CNTNAP2: variants seen among roughly 807,000 people sequenced by gnomAD.
The protein encoded by CNTNAP2 is contactin associated protein 2.
Under a neutral mutation model 155.2 loss-of-function variants are expected in CNTNAP2, and 98 were observed. That is an observed-to-expected ratio of 0.63 (90% CI 0.54 to 0.75). The LOEUF (loss-of-function observed/expected upper bound fraction) is 0.75, where lower values mean the gene tolerates loss of function less well. CNTNAP2 is among the 30% of genes least tolerant of loss of function. The pLI, the probability that CNTNAP2 is intolerant of heterozygous loss-of-function variation, is 0.00. For synonymous variants in CNTNAP2, 651 were observed against 631.2 expected, an observed-to-expected ratio of 1.03 and a Z score of -0.47; for missense variants, 1,727 against 1,688.1, an observed-to-expected ratio of 1.02 and a Z score of -0.40.
chr7:147,295,885 A>T (rs1175097212), intron 8 of CNTNAP2, among the ~76,000 whole-genome samples: 1 of 152,188 alleles, frequency 6.6e-6, no homozygotes, highest in African/African-American at 2.4e-5. Context: ...AGTGGCTGCT[A>T]TCAGCAAGGA....
At chr7:147,903,455 T>G (rs1182853956) in intron 13 of CNTNAP2, 110 bp from the exon 14 acceptor site, 5 of 1,186,404 alleles carry the variant, frequency 4.2e-6, no homozygotes, top group Admixed American at 3.7e-5. Flanking sequence ...TTAAGAGGGT[T>G]GAGTGATGTT....
chr7:146,742,385 G>A (rs1243037351), intron 1 of CNTNAP2, among the ~76,000 whole-genome samples: 1 of 152,032 alleles, frequency 6.6e-6, no homozygotes, highest in African/African-American at 2.4e-5. Context: ...GGAAGAATAG[G>A]CAAGATTAAT....
At chr7:148,083,130 T>C (rs1803648368) in intron 15 of CNTNAP2, among the ~76,000 whole-genome samples, 1 of 152,204 alleles carries the variant, frequency 6.6e-6, no homozygotes, top group South Asian at 2.1e-4. Flanking sequence ...GAAGAGGATC[T>C]GCACCCTAAG....
chr7:146,419,093 T>G (rs994650325), intron 1 of CNTNAP2, among the ~76,000 whole-genome samples: 7 of 152,050 alleles, frequency 4.6e-5, no homozygotes, highest in African/African-American at 1.7e-4. Flanking sequence ...GATTTTTTTA[T>G]AAAGAAAAAG....
chr7:146,280,902 A>G (rs762272099), intron 1 of CNTNAP2, among the ~76,000 whole-genome samples: 2 of 152,192 alleles, frequency 1.3e-5, no homozygotes, highest in Non-Finnish European at 2.9e-5. Context: ...TCTGAGCCAA[A>G]GAGACACCAT....
intron 13 of CNTNAP2, among the ~76,000 whole-genome samples, chr7:147,895,946 G>A (rs188626213): frequency 6.6e-6 from 1 of 152,318 alleles, no homozygotes; most frequent in East Asian, 1.9e-4. Flanking sequence ...TTCTTTTGCA[G>A]TAGATGTGGA....
chr7:146,352,251 A>C (rs1794925847), intron 1 of CNTNAP2, among the ~76,000 whole-genome samples: 1 of 152,174 alleles, frequency 6.6e-6, no homozygotes. Context: ...TTTTGTATAA[A>C]TATAGCTGGA....
chr7:146,337,284 A>G (rs926710427), intron 1 of CNTNAP2, among the ~76,000 whole-genome samples: 5 of 150,664 alleles, frequency 3.3e-5, no homozygotes, highest in African/African-American at 1.2e-4. Context: ...ATGATTTTAC[A>G]TGAGGTTGTT....
At chr7:147,949,460 T>TATATATATATATATATATA (rs60849459) in intron 14 of CNTNAP2, among the ~76,000 whole-genome samples, 90 of 92,070 alleles carry the variant, frequency 9.8e-4, no homozygotes, top group South Asian at 3.4e-3. Flanking sequence ...ATATATATAT[T>TATATATATATATATATATA]TTTTTTTTTT....
chr7:146,739,659 T>C (rs1161522906), intron 1 of CNTNAP2, among the ~76,000 whole-genome samples: 1 of 152,066 alleles, frequency 6.6e-6, no homozygotes, highest in African/African-American at 2.4e-5. Context: ...GTCTGTTACA[T>C]ACATTTGATC....
At chr7:146,536,799 G>A (rs762084521) in intron 1 of CNTNAP2, among the ~76,000 whole-genome samples, 33 of 151,972 alleles carry the variant, frequency 2.2e-4, no homozygotes, top group East Asian at 1.9e-4. Context: ...TTGTGAAAAC[G>A]TACCACAGAT....
At chr7:147,749,621 A>C (rs1236076118) in intron 13 of CNTNAP2, among the ~76,000 whole-genome samples, 1 of 151,956 alleles carries the variant, frequency 6.6e-6, no homozygotes. Flanking sequence ...GAGATATATG[A>C]AGCAAGCATT....
chr7:146,773,654 A>G (rs1357755974), intron 1 of CNTNAP2, among the ~76,000 whole-genome samples: 1 of 152,208 alleles, frequency 6.6e-6, no homozygotes, highest in African/African-American at 2.4e-5. Context: ...TTGGCCTCCC[A>G]AAGTGCTGGG....
chr7:146,382,975 C>T (rs1253014655), intron 1 of CNTNAP2, among the ~76,000 whole-genome samples: 1 of 152,082 alleles, frequency 6.6e-6, no homozygotes, highest in Non-Finnish European at 1.5e-5. Context: ...ATATGATTTT[C>T]CCCTTCACTG....
At chr7:146,469,743 G>A (rs1035936551) in intron 1 of CNTNAP2, among the ~76,000 whole-genome samples, 1 of 148,000 alleles carries the variant, frequency 6.8e-6, no homozygotes. Context: ...GGCTAGGCTG[G>A]TCTTGAACTC....
Position 146,603,478 on chromosome 7 carries a change from G to A in CNTNAP2, c.98-170793G>A, listed in dbSNP as rs546409688. ...CTCATGGGTAGGAAGAATCAATATC[G>A]TGAAAATGGCCATACTGCCCAAGGT... On this transcript the variant is annotated intron_variant, in intron 1 of 23. Transcript: ENST00000361727. Among the ~76,000 whole-genome samples, 50 of 149,644 alleles carry A rather than the reference G, an allele frequency of 3.3e-4. 1 individual carries two copies. The highest frequency in any genetic ancestry group is 1.3e-3 in the South Asian group (6 of 4,676).
chr7:147,801,953 G>A (rs1797999444), intron 13 of CNTNAP2, among the ~76,000 whole-genome samples: 1 of 149,960 alleles, frequency 6.7e-6, no homozygotes, highest in Admixed American at 6.6e-5. Context: ...CGGGCGGGGG[G>A]CTGACACCCC....
intron 13 of CNTNAP2, among the ~76,000 whole-genome samples, chr7:147,816,628 C>T (rs1310459328): frequency 6.6e-6 from 1 of 152,070 alleles, no homozygotes; most frequent in Non-Finnish European, 1.5e-5. Flanking sequence ...GCACCAACTA[C>T]TTGCTCTGAA....
intron 4 of CNTNAP2, among the ~76,000 whole-genome samples, chr7:147,101,490 C>A (rs911395803): frequency 1.3e-5 from 2 of 152,152 alleles, no homozygotes; most frequent in African/African-American, 4.8e-5. Flanking sequence ...AAGTGTTAAC[C>A]AGTTCAGTGG....
Sources: allele counts gnomAD v4.1 joint callset (sites outside exome capture counted in the v4.1 genomes callset), GRCh38; gene constraint gnomAD v4.1.1; transcripts MANE v1.5; gene names NCBI Gene and HGNC (gene_info 2026-07-23, HGNC 2026-07-21).